ZNF326: variants seen among roughly 807,000 people sequenced by gnomAD.
ZNF326 encodes the protein DBIRD complex subunit ZNF326.
Under a neutral mutation model 63.1 loss-of-function variants are expected in ZNF326, and 30 were observed. That is an observed-to-expected ratio of 0.48 (90% CI 0.36 to 0.64). ZNF326 has a LOEUF of 0.64. Ranked by LOEUF, ZNF326 falls within the 30% of genes least tolerant of loss-of-function variation. The pLI, the probability that ZNF326 is intolerant of heterozygous loss-of-function variation, is 0.00. For missense variants in ZNF326, 609 were observed against 720.3 expected (o/e 0.85, Z 1.77); for synonymous variants, 194 against 228.2 (o/e 0.85, Z 1.35).
intron 7 of ZNF326, among the ~76,000 whole-genome samples, chr1:90,016,780 G>T (rs1189843865): frequency 6.6e-6 from 1 of 152,066 alleles, no homozygotes; most frequent in Non-Finnish European, 1.5e-5. Context: ...TCATTATGGA[G>T]TGGCTCTTGA....
chr1:90,012,446 T>G (rs34004190), intron 6 of ZNF326, among the ~76,000 whole-genome samples: 2,196 of 152,022 alleles, frequency 0.014, 23 homozygotes, highest in South Asian at 0.026. Context: ...GGCCTTAGGG[T>G]AGGGTTGAAA....
intron 4 of ZNF326, chr1:90,005,463 T>G (rs1648942612): frequency 8.0e-7 from 1 of 1,251,906 alleles, no homozygotes; most frequent in Admixed American, 4.0e-5. Flanking sequence ...CTATATCATG[T>G]CAATATAATA....
At chr1:89,998,842 G>A (rs1648527625) in intron 2 of ZNF326, among the ~76,000 whole-genome samples, 1 of 152,188 alleles carries the variant, frequency 6.6e-6, no homozygotes, top group East Asian at 1.9e-4. Context: ...TATCATGATT[G>A]CCAGAGAAAT....
chr1:90,002,879 A>G (rs1360258031), intron 2 of ZNF326, among the ~76,000 whole-genome samples: 1 of 152,168 alleles, frequency 6.6e-6, no homozygotes, highest in Non-Finnish European at 1.5e-5. Flanking sequence ...TATTTGGAAA[A>G]TACTAGTTTT....
chr1:90,007,689 T>A lies in ZNF326; in HGVS notation c.554T>A (p.Phe185Tyr). Residue 185 changes from phenylalanine (F) to tyrosine (Y), a missense_variant, in exon 5 of 12, where the codon TTT becomes TAT. Physicochemically the swap from Phe to Tyr is conservative, Grantham distance 22. Transcript: ENST00000340281. The surrounding 1 kb of genome is among the most constrained non-coding windows in gnomAD (Gnocchi z 4.9). ...RGTPAYPEST[F>Y]GSRNYDAFGG... ...ACGCCTGCTTATCCTGAAAGTACGT[T>A]TGGAAGCAGAAACTATGATGCTTTT... 1 of 1,517,296 alleles carries A rather than the reference T, an allele frequency of 6.6e-7. No homozygotes were observed. The highest frequency in any genetic ancestry group is 8.8e-7 in the Non-Finnish European group (1 of 1,133,550). 94.0% of individuals were successfully genotyped at this position (1,517,296 alleles called of 1,614,324 possible).
intron 7 of ZNF326, among the ~76,000 whole-genome samples, chr1:90,014,504 A>G (rs1422524523): frequency 1.3e-5 from 2 of 152,224 alleles, no homozygotes; most frequent in East Asian, 3.9e-4. Flanking sequence ...CCATTTTATT[A>G]CTAAGGAGAA....
intron 6 of ZNF326, among the ~76,000 whole-genome samples, chr1:90,011,713 G>A (rs1649255890): frequency 6.6e-6 from 1 of 152,000 alleles, no homozygotes. Flanking sequence ...AGCCACTGTG[G>A]GAAGCAGATT....
In ZNF326 at chr1:90,033,508, T is replaced by C. The variant is rs1263027525; in HGVS notation, c.*5807T>C. 6.6e-6 allele frequency: 1 copy of C among 152,140 alleles called. No individual in the cohort carries two copies. The highest frequency in any genetic ancestry group is 1.5e-5 in the Non-Finnish European group (1 of 68,012). The allele number at this position is 152,140 out of a possible 1,614,324, so 9.4% of individuals were successfully genotyped here. A position where few individuals can be genotyped will look rare whatever the true frequency, so the allele number is the denominator to read the frequency against. ...TATTATATGTCATAATCTTCAAATA[T>C]TTTAGAGGTTATTGTACTAATTTTA... On this transcript the variant is annotated 3_prime_UTR_variant, in exon 12 of 12. Coordinates refer to ENST00000340281, the MANE Select transcript of ZNF326 (RefSeq NM_182976.4).
At position 90,033,879 on chromosome 1, in the gene ZNF326, G is replaced by A. The variant is rs59470097; in HGVS notation, c.*6178G>A. Reference sequence around the variant, plus strand: ...ATGCAATAAATATTTTTGAATGTATGTATGTATGTTACAGTATAAATATAT... The same window carrying A: ...ATGCAATAAATATTTTTGAATGTATATATGTATGTTACAGTATAAATATAT... On this transcript the variant is annotated 3_prime_UTR_variant, in exon 12 of 12. Coordinates refer to ENST00000340281, the MANE Select transcript of ZNF326 (RefSeq NM_182976.4). 6.6e-6 allele frequency: 1 copy of A among 151,708 alleles called. No homozygotes were observed. The highest frequency in any genetic ancestry group is 1.5e-5 in the Non-Finnish European group (1 of 67,910). The allele number at this position is 151,708 out of a possible 1,614,324, so 9.4% of individuals were successfully genotyped here.
intron 2 of ZNF326, among the ~76,000 whole-genome samples, chr1:90,004,755 G>T (rs537705716): frequency 1.9e-4 from 24 of 129,240 alleles, no homozygotes; most frequent in African/African-American, 6.8e-4. Context: ...TTCTAATATA[G>T]AACTTTTTAG....
chr1:90,012,801 A>G (rs1043860230), intron 6 of ZNF326, among the ~76,000 whole-genome samples: 9 of 152,160 alleles, frequency 5.9e-5, no homozygotes, highest in Admixed American at 2.0e-4. Flanking sequence ...GTGATGCCCA[A>G]GATGATTTTA....
At chr1:90,010,010 T>C in intron 5 of ZNF326, 78 bp from the exon 6 acceptor site, 1 of 1,425,338 alleles carries the variant, frequency 7.0e-7, no homozygotes, top group South Asian at 1.3e-5. Context: ...TAGTAGATAG[T>C]TAACATGAAA....
In ZNF326 at chr1:90,002,930, G is replaced by C. The variant is rs1648759294; in HGVS notation, c.62-2073G>C. Among the ~76,000 whole-genome samples, 3 of 151,946 alleles carry C rather than the reference G, an allele frequency of 2.0e-5. 1 individual carries two copies. The South Asian group carries it at 6.2e-4, about 32-fold the overall frequency. The stretch of plus-strand genomic sequence containing the variant: ...TTTTCCAAATATTGATCAGTTTTAT[G>C]GCACAATATTTAAAAAATCATATTC... On this transcript the variant is annotated intron_variant, in intron 2 of 11. Coordinates refer to ENST00000340281, the MANE Select transcript of ZNF326 (RefSeq NM_182976.4).
intron 2 of ZNF326, among the ~76,000 whole-genome samples, chr1:90,000,000 T>C (rs899896052): frequency 2.0e-5 from 3 of 152,180 alleles, no homozygotes; most frequent in Non-Finnish European, 2.9e-5. Flanking sequence ...TAATATTTAT[T>C]GTATGTTAGA....
intron 11 of ZNF326, among the ~76,000 whole-genome samples, chr1:90,026,571 A>G (rs1466424666): frequency 6.6e-6 from 1 of 152,064 alleles, no homozygotes; most frequent in African/African-American, 2.4e-5. Context: ...ATTGTAATTT[A>G]CCTGTTCTGT....
In ZNF326 at chr1:90,005,240, A is replaced by G. The variant is rs1483750402; in HGVS notation, c.205A>G (p.Ser69Gly). 1.2e-6 allele frequency: 2 copies of G among 1,610,840 alleles called. No homozygotes were observed. The highest frequency in any genetic ancestry group is 1.7e-6 in the Non-Finnish European group (2 of 1,179,112). Residue 69 changes from serine to glycine, a missense_variant, in exon 4 of 12, where the codon AGC (serine) becomes GGC (glycine). This residue lies in a region of ZNF326 where 113 missense variants were observed against 187.4 expected (regional missense o/e 0.60). Coordinates refer to ENST00000340281, the MANE Select transcript of ZNF326 (RefSeq NM_182976.4). The stretch of plus-strand genomic sequence containing the variant: ...CAATCACAGTGGTGGTGGTGGGGGT[A>G]GCAGGTAAATTGCTTAATCATTTGG... ...MDNHSGGGGG[S>G]RFGPYESYDS...
chr1:90,006,430 T>G (rs1648992040), intron 4 of ZNF326: 1 of 985,308 alleles, frequency 1.0e-6, no homozygotes, highest in South Asian at 4.7e-5. Flanking sequence ...TATAAAATTG[T>G]GTTGTAAGAT....
At position 90,030,356 on chromosome 1, in the gene ZNF326, A is replaced by G. The variant is rs1289917163; in HGVS notation, c.*2655A>G. ...AATCTCATGCTTTTTTTTTTTTTGT[A>G]CCTATACAGTTAGAACTCCTTATCA... On this transcript the variant is annotated 3_prime_UTR_variant, in exon 12 of 12. Coordinates refer to ENST00000340281, the MANE Select transcript of ZNF326 (RefSeq NM_182976.4). 1 of 143,174 alleles carries G rather than the reference A, an allele frequency of 7.0e-6. No individual in the cohort carries two copies. Among genetic ancestry groups the G allele is most frequent in the East Asian group, 2.0e-4 (1 of 4,982 alleles). The allele number at this position is 143,174 out of a possible 1,614,324, so 8.9% of individuals were successfully genotyped here. A position where few individuals can be genotyped will look rare whatever the true frequency, so the allele number is the denominator to read the frequency against.
rs192339754 is a variant in ZNF326 at position 90,034,057 on chromosome 1, G to A, written c.*6356G>A. 7 of 152,190 alleles carry A rather than the reference G, an allele frequency of 4.6e-5. No individual in the cohort carries two copies. The highest frequency in any genetic ancestry group is 1.7e-4 in the African/African-American group (7 of 41,550). 9.4% of individuals were successfully genotyped at this position (152,190 alleles called of 1,614,324 possible). A position where few individuals can be genotyped will look rare whatever the true frequency, so the allele number is the denominator to read the frequency against. ...ACTGACAAAATATGTGTAATCCCAA[G>A]CTTAGAAAAATCTCAAAATGTCTAA... On this transcript the variant is annotated 3_prime_UTR_variant, in exon 12 of 12. Transcript: ENST00000340281.
Sources: gnomAD v4.1 joint callset for allele counts (sites outside exome capture counted in the v4.1 genomes callset) on GRCh38, gnomAD v4.1.1 for gene constraint, gnomAD v4.1.1 regional missense constraint, Gnocchi (gnomAD v3.1) non-coding constraint, MANE v1.5 for transcripts, NCBI Gene and HGNC (gene_info 2026-07-23, HGNC 2026-07-21) for gene names.